Variants in PPP1R12A observed in about 807,000 individuals in gnomAD.
PPP1R12A encodes myosin binding subunit.
A neutral mutation model predicts 139.6 loss-of-function variants in PPP1R12A; 19 were observed. The observed-to-expected ratio is 0.14, with a 90% CI of 0.09 to 0.20. PPP1R12A has a LOEUF of 0.20. Among genes scored for constraint, PPP1R12A ranks in the 10% least tolerant of loss-of-function variants. PPP1R12A has a pLI of 1.00. For missense variants in PPP1R12A, 925 were observed against 1,211.5 expected, an observed-to-expected ratio of 0.76 and a Z score of 3.51; for synonymous variants, 427 against 420.6, an observed-to-expected ratio of 1.02 and a Z score of -0.19.
chr12:79,788,609 G>T (rs1349393234), intron 21 of PPP1R12A, 39 bp downstream of exon 21: 2 of 1,518,916 alleles, frequency 1.3e-6, no homozygotes, highest in Non-Finnish European at 8.9e-7. Flanking sequence ...CAACATAAAA[G>T]ATAACTTTTT....
chr12:79,807,345 C>A lies in PPP1R12A; in HGVS notation c.1551-15G>T. 7.0e-7 allele frequency: 1 copy of A among 1,430,540 alleles called. No homozygotes were observed. Among genetic ancestry groups the A allele is most frequent in the Non-Finnish European group, 9.6e-7 (1 of 1,040,044 alleles). The allele number at this position is 1,430,540 out of a possible 1,614,324, so 88.6% of individuals were successfully genotyped here. On this transcript the variant is annotated splice_polypyrimidine_tract_variant and intron_variant, in intron 11 of 24. Coordinates refer to ENST00000450142, the MANE Select transcript of PPP1R12A (RefSeq NM_002480.3). Reference sequence around the variant, plus strand: ...TTGAAGAATCTCTGTTAAAAGAACACCCTTCAGATTCTGGTACATAATTTT... The same window carrying A: ...TTGAAGAATCTCTGTTAAAAGAACAACCTTCAGATTCTGGTACATAATTTT...
At chr12:79,912,970 G>T (rs1440833055) in intron 1 of PPP1R12A, among the ~76,000 whole-genome samples, 1 of 152,142 alleles carries the variant, frequency 6.6e-6, no homozygotes, top group East Asian at 1.9e-4. Context: ...TCTTACACTA[G>T]CAGTGTATGA....
At position 79,855,151 on chromosome 12, in the gene PPP1R12A, G is replaced by A. The variant is rs548742751; in HGVS notation, c.369-9731C>T. ...CTACAGGCGCCTGCCACCACGCCCGGCTAATTTTTTGTATTTTTAGTAAAG... is the reference window on the plus strand; with the variant it reads ...CTACAGGCGCCTGCCACCACGCCCGACTAATTTTTTGTATTTTTAGTAAAG... On this transcript the variant is annotated intron_variant, in intron 2 of 24. Transcript: ENST00000450142. Among the ~76,000 whole-genome samples the A allele has an allele frequency of 3.2e-4, 48 of 152,060 alleles. No individual in the cohort carries two copies. In the East Asian group the frequency reaches 8.9e-3, roughly 28 times the overall value.
At chr12:79,849,752 C>T (rs770778732) in intron 2 of PPP1R12A, among the ~76,000 whole-genome samples, 4 of 152,144 alleles carry the variant, frequency 2.6e-5, no homozygotes, top group Non-Finnish European at 5.9e-5. Context: ...CTTAACAATA[C>T]TTAGTAATTT....
chr12:79,777,415 G>A, intron 24 of PPP1R12A: 7 of 984,694 alleles, frequency 7.1e-6, no homozygotes, highest in Non-Finnish European at 8.4e-6. Context: ...ATATGCTCCA[G>A]ACACAATGGC....
chr12:79,795,819 T>C (rs1872441810), intron 17 of PPP1R12A, 60 bp from the exon 18 acceptor site: 1 of 1,548,902 alleles, frequency 6.5e-7, no homozygotes, highest in Non-Finnish European at 8.8e-7. Flanking sequence ...TTTTGCAAGG[T>C]AATTGTAAAA....
At chr12:79,823,193 A>T (rs1455611283) in intron 5 of PPP1R12A, among the ~76,000 whole-genome samples, 2 of 152,130 alleles carry the variant, frequency 1.3e-5, no homozygotes, top group African/African-American at 4.8e-5. Context: ...TCCTTATAAT[A>T]GCCCTACTGT....
At chr12:79,864,102 C>A (rs888566356) in intron 2 of PPP1R12A, among the ~76,000 whole-genome samples, 1 of 152,160 alleles carries the variant, frequency 6.6e-6, no homozygotes, top group Non-Finnish European at 1.5e-5. Flanking sequence ...AAACACTTCT[C>A]AGCAAATGTA....
In PPP1R12A at chr12:79,776,001, T is replaced by C. The variant is rs750800419; in HGVS notation, c.3021A>G (p.Leu1007=). 5.0e-6 allele frequency: 8 copies of C among 1,596,298 alleles called. No individual in the cohort carries two copies. In the African/African-American group the frequency reaches 1.1e-4, roughly 21 times the overall value. ...MEEELKMLPD[L]KADNQRLKDE... ...CCTTTAGCCTCTGGTTGTCTGCTTT[T>C]AGGTCTGGTAACATCTATAAAGAGA... The change falls in exon 25 of 25, where the codon CTA becomes CTG. Residue 1007 remains leucine, a synonymous_variant. Coordinates refer to ENST00000450142, the MANE Select transcript of PPP1R12A (RefSeq NM_002480.3).
At position 79,847,632 on chromosome 12, in the gene PPP1R12A, G is replaced by A. The variant is rs1879559898; in HGVS notation, c.369-2212C>T. On this transcript the variant is annotated intron_variant, in intron 2 of 24. Coordinates refer to ENST00000450142, the MANE Select transcript of PPP1R12A (RefSeq NM_002480.3). ...ATAAAGGTAAACAAAAAGAAACACA[G>A]AATTGCCCTTCAAAAAGTTTATAGT... Among the ~76,000 whole-genome samples, 4 of 152,032 alleles carry A rather than the reference G, an allele frequency of 2.6e-5. No individual in the cohort carries two copies. The South Asian group carries it at 8.3e-4, about 32-fold the overall frequency.
chr12:79,882,420 C>T (rs1007576955), intron 1 of PPP1R12A, among the ~76,000 whole-genome samples: 1 of 152,066 alleles, frequency 6.6e-6, no homozygotes, highest in Non-Finnish European at 1.5e-5. Context: ...GTGGTATAAA[C>T]GGCAAGAGAA....
intron 17 of PPP1R12A, 32 bp downstream of exon 17, chr12:79,796,750 A>T: frequency 6.6e-7 from 1 of 1,526,018 alleles, no homozygotes; most frequent in South Asian, 1.2e-5. Context: ...ATATGAAGAA[A>T]GCAAAGTGTT....
intron 1 of PPP1R12A, among the ~76,000 whole-genome samples, chr12:79,927,439 T>C (rs916838793): frequency 2.6e-5 from 4 of 152,142 alleles, no homozygotes; most frequent in African/African-American, 9.7e-5. Flanking sequence ...TGCACTTCAA[T>C]TACCATAGAA....
intron 1 of PPP1R12A, among the ~76,000 whole-genome samples, chr12:79,918,953 T>C (rs1197207818): frequency 6.6e-6 from 1 of 151,862 alleles, no homozygotes; most frequent in Non-Finnish European, 1.5e-5. Flanking sequence ...CCGTCTCTAC[T>C]AAAAATACAA....
chr12:79,793,528 T>A (rs1289949875), intron 19 of PPP1R12A, among the ~76,000 whole-genome samples: 1 of 152,216 alleles, frequency 6.6e-6, no homozygotes, highest in African/African-American at 2.4e-5. Context: ...TATTTCTTTT[T>A]TTGCTTTTTC....
chr12:79,884,785 T>C (rs1565796810), intron 1 of PPP1R12A, among the ~76,000 whole-genome samples: 1 of 152,210 alleles, frequency 6.6e-6, no homozygotes. Flanking sequence ...AAGACAGTTT[T>C]GTCATTTAAT....
intron 1 of PPP1R12A, among the ~76,000 whole-genome samples, chr12:79,909,593 G>A (rs1320267229): frequency 6.6e-6 from 1 of 151,906 alleles, no homozygotes; most frequent in Non-Finnish European, 1.5e-5. Flanking sequence ...AAATTAGCTG[G>A]GTGTGGTGGT....
At position 79,856,149 on chromosome 12, in the gene PPP1R12A, A is replaced by T. The variant is rs544490882; in HGVS notation, c.369-10729T>A. On this transcript the variant is annotated intron_variant, in intron 2 of 24. Transcript: ENST00000450142. ...AATTTGTCAAGAATCTTCCAAAAAA[A>T]CAGTCTGAAAGGTCATCACTTCCCT... Among the ~76,000 whole-genome samples, 342 of 152,282 alleles carry T rather than the reference A, an allele frequency of 2.2e-3. 1 individual carries two copies. Among genetic ancestry groups the T allele is most frequent in the Non-Finnish European group, 2.8e-3 (192 of 68,026 alleles).
intron 2 of PPP1R12A, among the ~76,000 whole-genome samples, chr12:79,862,076 C>T: frequency 6.6e-6 from 1 of 152,070 alleles, no homozygotes; most frequent in Admixed American, 6.6e-5. Flanking sequence ...AAACAGACAC[C>T]TCATACAGGG....
Sources: gnomAD v4.1 joint callset for allele counts (sites outside exome capture counted in the v4.1 genomes callset) on GRCh38, gnomAD v4.1.1 for gene constraint, MANE v1.5 for transcripts, NCBI Gene and HGNC (gene_info 2026-07-23, HGNC 2026-07-21) for gene names.